The following ZFPM2 variants were observed in gnomAD, a reference collection of about 807,000 sequenced individuals.
ZFPM2 encodes zinc finger protein, FOG family member 2, also known as zinc finger protein ZFPM2.
ZFPM2 carries 20 observed loss-of-function variants against 98.6 expected under a neutral mutation model. The ratio of observed to expected loss-of-function variants is 0.20; its 90% CI spans 0.14 to 0.29. The LOEUF (loss-of-function observed/expected upper bound fraction) is 0.29. Ranked by LOEUF, ZFPM2 falls within the 10% of genes least tolerant of loss-of-function variation. The pLI, the probability that ZFPM2 is intolerant of heterozygous loss-of-function variation, is 1.00. For synonymous variants in ZFPM2, 518 were observed against 502.7 expected, an observed-to-expected ratio of 1.03 and a Z score of -0.41; for missense variants, 1,310 against 1,388.6, an observed-to-expected ratio of 0.94 and a Z score of 0.90.
At chr8:105,679,896 A>G (rs1270271797) in intron 5 of ZFPM2, among the ~76,000 whole-genome samples, 1 of 152,162 alleles carries the variant, frequency 6.6e-6, no homozygotes, top group Admixed American at 6.5e-5. Context: ...GCTTTTTAAA[A>G]AGGAAAATAG....
intron 2 of ZFPM2, among the ~76,000 whole-genome samples, chr8:105,427,267 T>G (rs1334868367): frequency 1.3e-5 from 2 of 152,176 alleles, no homozygotes; most frequent in African/African-American, 2.4e-5. Context: ...TTACCTCATC[T>G]CTCATTTCAG....
At chr8:105,391,926 A>G (rs926258079) in intron 1 of ZFPM2, among the ~76,000 whole-genome samples, 1 of 152,220 alleles carries the variant, frequency 6.6e-6, no homozygotes, top group African/African-American at 2.4e-5. Context: ...AATGGCATCT[A>G]GAAAGGTAAA....
At chr8:105,512,246 A>G (rs1813832633) in intron 3 of ZFPM2, among the ~76,000 whole-genome samples, 1 of 152,228 alleles carries the variant, frequency 6.6e-6, no homozygotes, top group African/African-American at 2.4e-5. Flanking sequence ...AATATTATTT[A>G]TATTGCTTAC....
At chr8:105,506,311 G>A (rs1347277745) in intron 3 of ZFPM2, among the ~76,000 whole-genome samples, 1 of 152,186 alleles carries the variant, frequency 6.6e-6, no homozygotes, top group Non-Finnish European at 1.5e-5. Flanking sequence ...ATTTCATCAA[G>A]TTTTCATCTA....
rs117349331 is a variant in ZFPM2, at chr8:105,410,792, A to G, written c.41-8352A>G. On this transcript the variant is annotated intron_variant, in intron 1 of 7. Transcript: ENST00000407775. ...TTAATTCATTTATGCCACATAATAT[A>G]TATAAGGAGTTCTGTGTTTAGGTTC... is the stretch of plus-strand genomic sequence containing the variant. 1.9e-3 allele frequency among the ~76,000 whole-genome samples: 295 copies of G among 152,014 alleles called. 5 individuals are homozygous for G. Among genetic ancestry groups the G allele is most frequent in the Non-Finnish European group, 1.9e-3 (127 of 67,858 alleles).
intron 3 of ZFPM2, among the ~76,000 whole-genome samples, chr8:105,467,953 A>G (rs537264960): frequency 6.6e-6 from 1 of 152,068 alleles, no homozygotes; most frequent in East Asian, 1.9e-4. Flanking sequence ...AACTTTTCTG[A>G]CTTTATTACT....
intron 5 of ZFPM2, among the ~76,000 whole-genome samples, chr8:105,682,259 A>G (rs1215469464): frequency 1.3e-5 from 2 of 152,160 alleles, no homozygotes; most frequent in Non-Finnish European, 2.9e-5. Flanking sequence ...AGGAGGGGCC[A>G]GTTTGCTCTT....
At chr8:105,745,945 G>T (rs1308697202) in intron 5 of ZFPM2, among the ~76,000 whole-genome samples, 1 of 151,886 alleles carries the variant, frequency 6.6e-6, no homozygotes, top group African/African-American at 2.4e-5. Context: ...TTTTTTTGTT[G>T]TTGTTGTAGA....
intron 3 of ZFPM2, among the ~76,000 whole-genome samples, chr8:105,481,155 C>T (rs537801003): frequency 6.6e-6 from 1 of 151,966 alleles, no homozygotes. Flanking sequence ...AGTGGGAGAG[C>T]CTGTCACATC....
At chr8:105,346,617 A>C (rs547900120) in intron 1 of ZFPM2, among the ~76,000 whole-genome samples, 79 of 152,286 alleles carry the variant, frequency 5.2e-4, no homozygotes, top group African/African-American at 1.8e-3. Flanking sequence ...CCTATGTGCT[A>C]AGGACTCTGT....
At chr8:105,551,660 T>C (rs1014181091) in intron 3 of ZFPM2, among the ~76,000 whole-genome samples, 6 of 118,454 alleles carry the variant, frequency 5.1e-5, no homozygotes, top group Admixed American at 4.2e-4. Context: ...CTGCCATCCT[T>C]TGGTTTTATA....
chr8:105,561,999 A>G (rs1815148624), intron 4 of ZFPM2, among the ~76,000 whole-genome samples: 1 of 152,124 alleles, frequency 6.6e-6, no homozygotes. Context: ...ATTATTGATT[A>G]ATTAGATGTT....
chr8:105,628,135 C>T (rs1051117186), intron 4 of ZFPM2, among the ~76,000 whole-genome samples: 14 of 152,086 alleles, frequency 9.2e-5, no homozygotes, highest in African/African-American at 3.4e-4. Context: ...AAAATTAGCC[C>T]CACCGTGCTG....
chr8:105,801,948 A>G lies in ZFPM2; in HGVS notation c.1866A>G (p.Gln622=), dbSNP rs536037180. 21 of 1,613,916 alleles carry G rather than the reference A, an allele frequency of 1.3e-5. No individual in the cohort carries two copies. In the Admixed American group the frequency reaches 2.7e-4, roughly 20 times the overall value. ...CTGATCCTGAGAATCCACTTCTTCA[A>G]ACATCTTGCATCAATTCTTCCACTG... ...HSADPENPLL[Q]TSCINSSTVL... The change falls in exon 8 of 8, where the codon CAA becomes CAG. Residue 622 remains glutamine (Q), a synonymous_variant. Coordinates refer to ENST00000407775, the MANE Select transcript of ZFPM2 (RefSeq NM_012082.4).
chr8:105,728,310 G>A (rs1811860272), intron 5 of ZFPM2, among the ~76,000 whole-genome samples: 2 of 151,514 alleles, frequency 1.3e-5, no homozygotes, highest in Non-Finnish European at 3.0e-5. Flanking sequence ...GAATAGGATG[G>A]CTGCAATAAC....
chr8:105,440,142 T>C (rs1812205949), intron 2 of ZFPM2, among the ~76,000 whole-genome samples: 1 of 152,198 alleles, frequency 6.6e-6, no homozygotes, highest in Non-Finnish European at 1.5e-5. Context: ...ACTTAAATAC[T>C]CCTCTAGTAC....
intron 5 of ZFPM2, among the ~76,000 whole-genome samples, chr8:105,766,436 AAAGATC>A (rs1202751844): frequency 2.6e-5 from 4 of 151,936 alleles, no homozygotes; most frequent in African/African-American, 9.7e-5. Flanking sequence ...AGAGCCACTC[AAAGATC>A]TTACTTGAGT....
chr8:105,744,696 G>A (rs1812302974), intron 5 of ZFPM2, among the ~76,000 whole-genome samples: 2 of 147,718 alleles, frequency 1.4e-5, no homozygotes, highest in Admixed American at 1.4e-4. Flanking sequence ...CTATTTGAAG[G>A]ATAAACTTAG....
chr8:105,474,917 C>T (rs1452605814), intron 3 of ZFPM2, among the ~76,000 whole-genome samples: 2 of 152,192 alleles, frequency 1.3e-5, no homozygotes, highest in African/African-American at 4.8e-5. Context: ...GGGAAACCCA[C>T]TTTCTGAGCC....
Sources: gnomAD v4.1 joint callset for allele counts (sites outside exome capture counted in the v4.1 genomes callset) on GRCh38, gnomAD v4.1.1 for gene constraint, MANE v1.5 for transcripts, NCBI Gene and HGNC (gene_info 2026-07-23, HGNC 2026-07-21) for gene names.